The following MLPH variants were observed in gnomAD, a reference collection of about 807,000 sequenced individuals.
The protein encoded by MLPH is exophilin-3.
A neutral mutation model predicts 72.1 loss-of-function variants in MLPH; 51 were observed. The observed-to-expected ratio is 0.71, with a 90% confidence interval of 0.56 to 0.89. The LOEUF (loss-of-function observed/expected upper bound fraction) is 0.89, where lower values mean the gene tolerates loss of function less well. Ranked by LOEUF, MLPH falls within the 40% of genes least tolerant of loss-of-function variation. The probability of loss-of-function intolerance (pLI) is 0.00; values close to 1 mark genes in which losing one functional copy is unlikely to be tolerated. For missense variants in MLPH, 743 were observed against 759.9 expected (o/e 0.98, Z 0.26); for synonymous variants, 301 against 310.1 (o/e 0.97, Z 0.31).
At chr2:237,534,752 G>A in intron 9 of MLPH, 105 bp downstream of exon 9, 1 of 1,007,270 alleles carries the variant, frequency 9.9e-7, no homozygotes, top group Non-Finnish European at 1.6e-6. Flanking sequence ...TTGAGATTTT[G>A]CTGTTTGTAA....
chr2:237,515,281 C>T (rs565410187), intron 4 of MLPH, among the ~76,000 whole-genome samples: 2 of 152,208 alleles, frequency 1.3e-5, no homozygotes, highest in African/African-American at 4.8e-5. Flanking sequence ...GAAGATGCGT[C>T]GGTGATTGAT....
chr2:237,536,789 C>T (rs988212243), intron 9 of MLPH, among the ~76,000 whole-genome samples: 3 of 152,200 alleles, frequency 2.0e-5, no homozygotes, highest in African/African-American at 7.2e-5. Flanking sequence ...CAGCAACACT[C>T]GGGACCCGCT....
At position 237,512,977 on chromosome 2, in the gene MLPH, C is replaced by T. The variant is rs111666301; in HGVS notation, c.445+1876C>T. Among the ~76,000 whole-genome samples the T allele has an allele frequency of 6.4e-4, 98 of 152,236 alleles. No individual in the cohort carries two copies. Among genetic ancestry groups the T allele is most frequent in the African/African-American group, 2.3e-3 (94 of 41,552 alleles). ...AAACAGAAAACAGCTGCTCCTTGAA[C>T]TTGGATTCCCAGCAGCTCCCCCAAG... On this transcript the variant is annotated intron_variant, in intron 4 of 15. Coordinates refer to ENST00000264605, the MANE Select transcript of MLPH (RefSeq NM_024101.7). This position sits in a 1 kb window ranked among gnomAD's most constrained non-coding sequence, Gnocchi z 5.5.
intron 14 of MLPH, chr2:237,552,064 T>C: frequency 2.3e-6 from 1 of 441,210 alleles, no homozygotes; most frequent in Non-Finnish European, 4.2e-6. Flanking sequence ...TGGGCCTTTC[T>C]GCTGCTTCAT....
Position 237,510,510 on chromosome 2 carries a change from C to T in MLPH, c.111-64C>T, listed in dbSNP as rs1352247166. 3.5e-6 allele frequency: 5 copies of T among 1,430,614 alleles called. No homozygotes were observed. The highest frequency in any genetic ancestry group is 1.4e-5 in the African/African-American group (1 of 71,342). 88.6% of individuals were successfully genotyped at this position (1,430,614 alleles called of 1,614,324 possible). On this transcript the variant is annotated intron_variant, in intron 2 of 15. Coordinates refer to ENST00000264605, the MANE Select transcript of MLPH (RefSeq NM_024101.7). This position sits in a 1 kb window ranked among gnomAD's most constrained non-coding sequence, Gnocchi z 4.4. ...GTGTGTGTGTGTATGTACGTGTACACACTTAAAGCCTGTTGCAAAAACAAG... is the reference window on the plus strand; with the variant it reads ...GTGTGTGTGTGTATGTACGTGTACATACTTAAAGCCTGTTGCAAAAACAAG...
At chr2:237,529,190 C>A (rs148907132) in intron 8 of MLPH, among the ~76,000 whole-genome samples, 94 of 151,894 alleles carry the variant, frequency 6.2e-4, no homozygotes, top group African/African-American at 2.2e-3. Context: ...TCACAGGCGC[C>A]CACCACCACG....
intron 8 of MLPH, among the ~76,000 whole-genome samples, chr2:237,533,390 C>CTTTTTTTTTTTTTTTTTTTTTTT (rs746139615): frequency 1.9e-5 from 2 of 108,008 alleles, no homozygotes; most frequent in African/African-American, 3.8e-5. Flanking sequence ...ATTTTCTTTT[C>CTTTTTTTTTTTTTTTTTTTTTTT]TTTTTTTTTT....
intron 4 of MLPH, among the ~76,000 whole-genome samples, chr2:237,513,824 G>T (rs541374782): frequency 1.3e-5 from 2 of 152,140 alleles, no homozygotes; most frequent in Non-Finnish European, 2.9e-5. Flanking sequence ...TCTCCTCAAG[G>T]CACTCACTGT....
At chr2:237,497,195 C>A (rs547633861) in intron 2 of MLPH, among the ~76,000 whole-genome samples, 1 of 152,178 alleles carries the variant, frequency 6.6e-6, no homozygotes, top group African/African-American at 2.4e-5. Context: ...GGAGGCGGAG[C>A]TCAGGCGGGA....
In MLPH at chr2:237,541,233, C is replaced by T. The variant is rs1289170294; in HGVS notation, c.1446+276C>T. Among the ~76,000 whole-genome samples the T allele has an allele frequency of 6.6e-6, 1 of 152,132 alleles. No homozygotes were observed. Among genetic ancestry groups the T allele is most frequent in the East Asian group, 1.9e-4 (1 of 5,196 alleles). ...TCCACCAAGAAAAAGGTGCTGAACA[C>T]ACAATCCCTGACCCAGGATGGGGGC... On this transcript the variant is annotated intron_variant, in intron 11 of 15. Transcript: ENST00000264605. The surrounding 1 kb of genome is among the most constrained non-coding windows in gnomAD (Gnocchi z 5.1).
upstream of MLPH, chr2:237,487,102 C>T (rs1456081331): frequency 6.6e-6 from 1 of 152,226 alleles, no homozygotes; most frequent in African/African-American, 2.4e-5. Flanking sequence ...GGCTCTCCCC[C>T]GCACTGGCGC....
At chr2:237,538,766 G>A (rs1440334496) in intron 9 of MLPH, among the ~76,000 whole-genome samples, 3 of 152,200 alleles carry the variant, frequency 2.0e-5, no homozygotes, top group Non-Finnish European at 4.4e-5. Flanking sequence ...ATTCTGGGGT[G>A]GTGTATTTTG....
At chr2:237,553,270 G>T (rs963435793) in intron 15 of MLPH, 229 of 549,020 alleles carry the variant, frequency 4.2e-4, no homozygotes, top group South Asian at 1.7e-3. Flanking sequence ...TGGAAAGGGG[G>T]TATAGCAAAG....
At chr2:237,506,933 T>C (rs1047082682) in intron 2 of MLPH, among the ~76,000 whole-genome samples, 2 of 152,232 alleles carry the variant, frequency 1.3e-5, no homozygotes, top group African/African-American at 4.8e-5. Flanking sequence ...TCTAGGCTCA[T>C]ACAGATACAT....
chr2:237,534,662 T>G lies in MLPH; in HGVS notation c.1104+15T>G. Reference sequence around the variant, plus strand: ...CCTTGGCCAAGGTAACACTGGGGGCTGGGCAAAGAGAAAGGGCCCCCACAG... The same window carrying G: ...CCTTGGCCAAGGTAACACTGGGGGCGGGGCAAAGAGAAAGGGCCCCCACAG... On this transcript the variant is annotated intron_variant, in intron 9 of 15. Transcript: ENST00000264605. 1 of 1,609,536 alleles carries G rather than the reference T, an allele frequency of 6.2e-7. No individual in the cohort carries two copies. The highest frequency in any genetic ancestry group is 1.1e-5 in the South Asian group (1 of 90,984).
chr2:237,494,175 G>A (rs544853123), intron 2 of MLPH, among the ~76,000 whole-genome samples: 13 of 151,160 alleles, frequency 8.6e-5, no homozygotes, highest in South Asian at 2.1e-4. Context: ...GGATGCTCCC[G>A]GCGAAGGGGG....
chr2:237,553,872 T>A lies in MLPH; in HGVS notation c.*280T>A, dbSNP rs549229270. The A allele has an allele frequency of 2.9e-4, 183 of 620,508 alleles. 1 individual carries two copies. In the African/African-American group the frequency reaches 3.0e-3, roughly 10 times the overall value. The allele number at this position is 620,508 out of a possible 1,614,324, so 38.4% of individuals were successfully genotyped here. On this transcript the variant is annotated 3_prime_UTR_variant, in exon 16 of 16. Transcript: ENST00000264605. ...GTGACTTCCCTTTAGGACAATGTTG[T>A]GTAAATCTTTGAAGGACACACCGAA...
At chr2:237,501,620 A>G (rs2106475981) in intron 2 of MLPH, among the ~76,000 whole-genome samples, 1 of 147,334 alleles carries the variant, frequency 6.8e-6, no homozygotes, top group Admixed American at 6.9e-5. Context: ...TGAGGTCAAG[A>G]GTTCGAGGCC....
rs756319782 is a variant in MLPH, at chr2:237,519,861, C to T, written c.556-49C>T. ...GAGGTGCAGGGTATTTGGTCCTCTC[C>T]CTCAAGCTAGCCCTGACTTGAGTCT... On this transcript the variant is annotated intron_variant, in intron 5 of 15. Transcript: ENST00000264605. The T allele has an allele frequency of 1.7e-5, 28 of 1,613,524 alleles. No individual in the cohort carries two copies. In the Admixed American group the frequency reaches 4.7e-4, roughly 27 times the overall value.
Sources: gnomAD v4.1 joint callset for allele counts (sites outside exome capture counted in the v4.1 genomes callset) on GRCh38, gnomAD v4.1.1 for gene constraint, Gnocchi (gnomAD v3.1) non-coding constraint, MANE v1.5 for transcripts, NCBI Gene and HGNC (gene_info 2026-07-23, HGNC 2026-07-21) for gene names.